The following SLIT2 variants were observed in gnomAD, a reference collection of about 807,000 sequenced individuals.
SLIT2 encodes the protein slit homolog 2 protein.
A neutral mutation model predicts 185.7 loss-of-function variants in SLIT2; 41 were observed. The ratio of observed to expected loss-of-function variants is 0.22; its 90% confidence interval spans 0.17 to 0.29. SLIT2 has a LOEUF of 0.29. Among genes scored for constraint, SLIT2 ranks in the 10% least tolerant of loss-of-function variants. The probability of loss-of-function intolerance (pLI) is 1.00; values close to 1 mark genes in which losing one functional copy is unlikely to be tolerated. For synonymous variants in SLIT2, 693 were observed against 680.2 expected, an observed-to-expected ratio of 1.02 and a Z score of -0.29; for missense variants, 1,571 against 1,909.0, an observed-to-expected ratio of 0.82 and a Z score of 3.30.
At chr4:20,353,118 A>G (rs1476353575) in intron 4 of SLIT2, among the ~76,000 whole-genome samples, 2 of 152,172 alleles carry the variant, frequency 1.3e-5, no homozygotes, top group Non-Finnish European at 2.9e-5. Flanking sequence ...GTTTTTAGCT[A>G]GAGGTGCTGT....
chr4:20,500,966 T>G (rs1489519929), intron 9 of SLIT2, among the ~76,000 whole-genome samples: 1 of 152,188 alleles, frequency 6.6e-6, no homozygotes, highest in Non-Finnish European at 1.5e-5. Context: ...CAAGTCAGTA[T>G]TATTTTATCT....
At chr4:20,427,535 G>A (rs1728650689) in intron 4 of SLIT2, among the ~76,000 whole-genome samples, 1 of 152,160 alleles carries the variant, frequency 6.6e-6, no homozygotes, top group South Asian at 2.1e-4. Flanking sequence ...TTATGAGTAT[G>A]GTATTTTGTG....
At chr4:20,554,388 T>TC (rs1364060820) in intron 26 of SLIT2, 1 of 457,226 alleles carries the variant, frequency 2.2e-6, no homozygotes, top group Non-Finnish European at 4.4e-6. Flanking sequence ...ACCTTCTGAC[T>TC]CGCCTTATGT....
intron 4 of SLIT2, among the ~76,000 whole-genome samples, chr4:20,448,748 C>T (rs1217799686): frequency 6.6e-6 from 1 of 152,154 alleles, no homozygotes; most frequent in Non-Finnish European, 1.5e-5. Context: ...AGTGATTCTC[C>T]TGCTTCAGCC....
chr4:20,482,971 A>G (rs143045546), intron 6 of SLIT2, among the ~76,000 whole-genome samples: 10 of 152,098 alleles, frequency 6.6e-5, no homozygotes, highest in Non-Finnish European at 4.4e-5. Flanking sequence ...AAGTTTACCT[A>G]TTACAAATGT....
intron 4 of SLIT2, among the ~76,000 whole-genome samples, chr4:20,291,480 ATATATATATATATTTTTTTT>A (rs1269118309): frequency 5.7e-4 from 8 of 14,034 alleles, no homozygotes; most frequent in African/African-American, 2.1e-3. Flanking sequence ...ATATATATAT[ATATATATATATATTTTTTTT>A]TTTTTTTTTT....
In SLIT2 at chr4:20,255,546, T is replaced by TTGAGTA. The variant is rs560959024; in HGVS notation, c.180-1125_180-1120dup. Among the ~76,000 whole-genome samples the TTGAGTA allele has an allele frequency of 2.0e-5, 3 of 152,036 alleles. No individual in the cohort carries two copies. The South Asian group carries it at 6.2e-4, about 32-fold the overall frequency. ...ACTCTGCTTAGCATGGAGAAGTGGG[T>TTGAGTA]TGAGTAGAAAGGAAGAGAAGCCACG... On this transcript the variant is annotated intron_variant, in intron 1 of 36. Coordinates refer to ENST00000504154, the MANE Select transcript of SLIT2 (RefSeq NM_004787.4).
intron 4 of SLIT2, among the ~76,000 whole-genome samples, chr4:20,360,296 A>G (rs1484990617): frequency 6.6e-6 from 1 of 152,124 alleles, no homozygotes; most frequent in Non-Finnish European, 1.5e-5. Context: ...CGTTAGTGGG[A>G]GTTTTAGAAG....
intron 5 of SLIT2, among the ~76,000 whole-genome samples, chr4:20,472,267 G>GCCTTTGCTGTCTTCTAAACAA (rs1715178432): frequency 3.3e-5 from 1 of 30,116 alleles, no homozygotes; most frequent in East Asian, 1.8e-3. Context: ...TCTATATATA[G>GCCTTTGCTGTCTTCTAAACAA]ATATATATCT....
intron 4 of SLIT2, among the ~76,000 whole-genome samples, chr4:20,279,985 T>C (rs2109053029): frequency 6.6e-6 from 1 of 152,098 alleles, no homozygotes; most frequent in East Asian, 1.9e-4. Flanking sequence ...TACCAATAGA[T>C]TGAATTTGGG....
chr4:20,564,639 A>C (rs565160569), intron 26 of SLIT2, among the ~76,000 whole-genome samples: 1 of 151,974 alleles, frequency 6.6e-6, no homozygotes, highest in Non-Finnish European at 1.5e-5. Flanking sequence ...ATTTTGGTAA[A>C]GTTGGTAGTC....
intron 4 of SLIT2, among the ~76,000 whole-genome samples, chr4:20,272,341 C>T (rs1207803846): frequency 1.3e-5 from 2 of 151,640 alleles, no homozygotes; most frequent in South Asian, 2.1e-4. Flanking sequence ...TTTGCTCCTC[C>T]TCCAAAATCA....
At chr4:20,504,877 G>T (rs766476732) in intron 9 of SLIT2, among the ~76,000 whole-genome samples, 4 of 151,834 alleles carry the variant, frequency 2.6e-5, no homozygotes, top group Non-Finnish European at 5.9e-5. Flanking sequence ...ATTTATTATA[G>T]TATATTGTAA....
intron 5 of SLIT2, among the ~76,000 whole-genome samples, chr4:20,470,103 T>A (rs1025121247): frequency 6.6e-6 from 1 of 152,056 alleles, no homozygotes; most frequent in African/African-American, 2.4e-5. Context: ...TTTGGTATGG[T>A]TATTAGGGAA....
chr4:20,353,985 A>C (rs1722095786), intron 4 of SLIT2, among the ~76,000 whole-genome samples: 1 of 152,192 alleles, frequency 6.6e-6, no homozygotes, highest in South Asian at 2.1e-4. Flanking sequence ...AAAAGTAATC[A>C]TGTTCATTGC....
At chr4:20,486,298 T>G in intron 7 of SLIT2, 27 bp downstream of exon 7, 1 of 1,254,994 alleles carries the variant, frequency 8.0e-7, no homozygotes, top group Non-Finnish European at 1.2e-6. Flanking sequence ...TATGTAAAAG[T>G]CATATTAATC....
At chr4:20,394,113 G>A (rs1009761373) in intron 4 of SLIT2, among the ~76,000 whole-genome samples, 1 of 151,918 alleles carries the variant, frequency 6.6e-6, no homozygotes, top group Admixed American at 6.6e-5. Context: ...TAGGAAGTGT[G>A]AGAACCTCCA....
chr4:20,398,867 A>C (rs1057123030), intron 4 of SLIT2, among the ~76,000 whole-genome samples: 1 of 151,796 alleles, frequency 6.6e-6, no homozygotes, highest in African/African-American at 2.4e-5. Flanking sequence ...AATAATGTCT[A>C]TCCTTTCGAC....
chr4:20,345,537 C>CTT lies in SLIT2; in HGVS notation c.395+76661_395+76662dup, dbSNP rs149402460. Reference sequence around the variant, plus strand: ...TTTTCTTTTTCTTTTTTCCTTTTTTCTTTTTTCTTTTTTTTTGAGATAGAG... The same window carrying CTT: ...TTTTCTTTTTCTTTTTTCCTTTTTTCTTTTTTTTCTTTTTTTTTGAGATAGAG... On this transcript the variant is annotated intron_variant, in intron 4 of 36. Transcript: ENST00000504154. 2.4e-3 allele frequency among the ~76,000 whole-genome samples: 273 copies of CTT among 112,302 alleles called. 7 individuals carry two copies. The highest frequency in any genetic ancestry group is 0.014 in the South Asian group (48 of 3,500). 73.7% of individuals were successfully genotyped at this position (112,302 alleles called of 152,430 possible). A position where few individuals can be genotyped will look rare whatever the true frequency, so the allele number is the denominator to read the frequency against.
Sources: allele counts gnomAD v4.1 joint callset (sites outside exome capture counted in the v4.1 genomes callset), GRCh38; gene constraint gnomAD v4.1.1; transcripts MANE v1.5; gene names NCBI Gene and HGNC (gene_info 2026-07-23, HGNC 2026-07-21).